Variants in EEFSEC observed in about 807,000 individuals in gnomAD.
EEFSEC encodes eukaryotic elongation factor, selenocysteine-tRNA specific, also known as selenocysteine-specific elongation factor.
A neutral mutation model predicts 42.1 loss-of-function variants in EEFSEC; 43 were observed. That is an observed-to-expected ratio of 1.02 (90% CI 0.80 to 1.32). The LOEUF (loss-of-function observed/expected upper bound fraction) is 1.32, where lower values mean the gene tolerates loss of function less well. Ranked by LOEUF, EEFSEC falls within the 40% of genes most tolerant of loss-of-function variation. The pLI, the probability that EEFSEC is intolerant of heterozygous loss-of-function variation, is 0.00. For missense variants in EEFSEC, 745 were observed against 803.6 expected, an observed-to-expected ratio of 0.93 and a Z score of 0.88; for synonymous variants, 354 against 339.1, an observed-to-expected ratio of 1.04 and a Z score of -0.48.
At chr3:128,235,066 T>C (rs1160719761) in intron 1 of EEFSEC, among the ~76,000 whole-genome samples, 1 of 152,172 alleles carries the variant, frequency 6.6e-6, no homozygotes, top group Non-Finnish European at 1.5e-5. Flanking sequence ...TACTTATTTA[T>C]TTTATTTTAT....
At chr3:128,233,359 TGAG>T (rs2065977939) in intron 1 of EEFSEC, among the ~76,000 whole-genome samples, 2 of 152,242 alleles carry the variant, frequency 1.3e-5, no homozygotes, top group African/African-American at 4.8e-5. Flanking sequence ...AACATACATG[TGAG>T]TAAATAATAG....
intron 6 of EEFSEC, among the ~76,000 whole-genome samples, chr3:128,397,259 C>A (rs1271298501): frequency 6.6e-6 from 1 of 152,252 alleles, no homozygotes; most frequent in Non-Finnish European, 1.5e-5. Flanking sequence ...ATCCAGGCTG[C>A]TGTATTCCCT....
intron 4 of EEFSEC, among the ~76,000 whole-genome samples, chr3:128,305,284 A>G (rs2066814582): frequency 6.6e-6 from 1 of 152,148 alleles, no homozygotes; most frequent in African/African-American, 2.4e-5. Flanking sequence ...TGGTCTTTCA[A>G]TAATATTTAT....
At chr3:128,165,147 C>T (rs2065231414) in intron 1 of EEFSEC, among the ~76,000 whole-genome samples, 2 of 152,184 alleles carry the variant, frequency 1.3e-5, no homozygotes, top group Admixed American at 6.5e-5. Flanking sequence ...TCCTCCCAGC[C>T]AGTCTCCTAG....
chr3:128,192,938 G>C (rs2065541740), intron 1 of EEFSEC, among the ~76,000 whole-genome samples: 1 of 152,180 alleles, frequency 6.6e-6, no homozygotes, highest in Non-Finnish European at 1.5e-5. Flanking sequence ...AACAGGGACT[G>C]TACAGCACTG....
chr3:128,391,418 A>G (rs941374325), intron 6 of EEFSEC, among the ~76,000 whole-genome samples: 1 of 152,082 alleles, frequency 6.6e-6, no homozygotes, highest in African/African-American at 2.4e-5. Flanking sequence ...GGTGTTTCCA[A>G]CCTCGAGGTT....
downstream of EEFSEC, among the ~76,000 whole-genome samples, chr3:128,411,029 G>A (rs569103509): frequency 5.0e-4 from 76 of 152,316 alleles, no homozygotes; most frequent in African/African-American, 1.6e-3. Flanking sequence ...GCCTGAAAAC[G>A]CCCAGCCGAC....
At chr3:128,363,320 G>C (rs2067551074) in intron 6 of EEFSEC, among the ~76,000 whole-genome samples, 1 of 152,246 alleles carries the variant, frequency 6.6e-6, no homozygotes, top group Non-Finnish European at 1.5e-5. Context: ...CCAGAACAAA[G>C]CAGACACTTG....
chr3:128,382,018 C>T (rs894625644), intron 6 of EEFSEC, among the ~76,000 whole-genome samples: 1 of 152,168 alleles, frequency 6.6e-6, no homozygotes, highest in African/African-American at 2.4e-5. Flanking sequence ...TAGAGATAGG[C>T]CCGAATGTGG....
chr3:128,216,803 GT>G (rs1259698162), intron 1 of EEFSEC, among the ~76,000 whole-genome samples: 1 of 152,242 alleles, frequency 6.6e-6, no homozygotes, highest in African/African-American at 2.4e-5. Context: ...CCCCATAGTT[GT>G]GACTGATTGA....
rs35594175 is a variant in EEFSEC, at chr3:128,250,911, G to GTTTTTT, written c.524+3881_524+3886dup. Among the ~76,000 whole-genome samples, 16 of 108,556 alleles carry GTTTTTT rather than the reference G, an allele frequency of 1.5e-4. 1 individual carries two copies. The highest frequency in any genetic ancestry group is 6.8e-3 in the Middle Eastern group (1 of 148). The allele number at this position is 108,556 out of a possible 152,430, so 71.2% of individuals were successfully genotyped here. A position where few individuals can be genotyped will look rare whatever the true frequency, so the allele number is the denominator to read the frequency against. ...TTTAAGTCATCTTTAGTTTTTTTTG[G>GTTTTTT]TTTTTTTTTTTTTTTTTTAGCAATG... On this transcript the variant is annotated intron_variant, in intron 2 of 6. Coordinates refer to ENST00000254730, the MANE Select transcript of EEFSEC (RefSeq NM_021937.5).
At chr3:128,282,242 G>T (rs2066534423) in intron 4 of EEFSEC, among the ~76,000 whole-genome samples, 1 of 152,212 alleles carries the variant, frequency 6.6e-6, no homozygotes, top group African/African-American at 2.4e-5. Flanking sequence ...GTGGGAAGTG[G>T]GTGGCTGGTC....
At chr3:128,276,198 G>GC (rs1247299180) in intron 4 of EEFSEC, among the ~76,000 whole-genome samples, 1 of 152,236 alleles carries the variant, frequency 6.6e-6, no homozygotes, top group Non-Finnish European at 1.5e-5. Flanking sequence ...AGTCAGGGCT[G>GC]CCTAGCAGGG....
intron 6 of EEFSEC, among the ~76,000 whole-genome samples, chr3:128,371,842 A>G (rs190232424): frequency 6.6e-6 from 1 of 152,264 alleles, no homozygotes; most frequent in Non-Finnish European, 1.5e-5. Context: ...GTGGTCCTGC[A>G]GGGGCCGGGG....
chr3:128,247,845 C>G (rs1361223522), intron 2 of EEFSEC, among the ~76,000 whole-genome samples: 1 of 152,040 alleles, frequency 6.6e-6, no homozygotes, highest in African/African-American at 2.4e-5. Flanking sequence ...AGTGGTTTTA[C>G]CAGGGAGAGA....
intron 2 of EEFSEC, among the ~76,000 whole-genome samples, chr3:128,250,169 T>C (rs926309010): frequency 3.9e-5 from 6 of 152,208 alleles, no homozygotes; most frequent in African/African-American, 1.4e-4. Context: ...TTGTCAGAGA[T>C]ATGATTTGCA....
rs2955122 is a variant in EEFSEC at position 128,182,883 on chromosome 3, C to T, written c.316+29060C>T. Among the ~76,000 whole-genome samples, 13 of 18,024 alleles carry T rather than the reference C, an allele frequency of 7.2e-4. No homozygotes were observed. The South Asian group carries it at 0.01, about 14-fold the overall frequency. 11.8% of individuals were successfully genotyped at this position (18,024 alleles called of 152,430 possible). The stretch of plus-strand genomic sequence containing the variant: ...TTCCCACCAGCCACAGAGATCGGGG[C>T]GGGGGGGTGGGGTGGTTGGTCTAGT... On this transcript the variant is annotated intron_variant, in intron 1 of 6. Coordinates refer to ENST00000254730, the MANE Select transcript of EEFSEC (RefSeq NM_021937.5).
intron 6 of EEFSEC, among the ~76,000 whole-genome samples, chr3:128,375,073 C>G (rs1397078961): frequency 1.3e-5 from 2 of 152,234 alleles, no homozygotes; most frequent in Admixed American, 1.3e-4. Flanking sequence ...CTCTAAACTG[C>G]AGTTTCCTTG....
chr3:128,356,483 A>T (rs1349206448), intron 5 of EEFSEC, among the ~76,000 whole-genome samples: 1 of 152,200 alleles, frequency 6.6e-6, no homozygotes, highest in Non-Finnish European at 1.5e-5. Context: ...GCTGGACCAG[A>T]AGCCATCAAA....
Sources: allele counts gnomAD v4.1 joint callset (sites outside exome capture counted in the v4.1 genomes callset), GRCh38; gene constraint gnomAD v4.1.1; transcripts MANE v1.5; gene names NCBI Gene and HGNC (gene_info 2026-07-23, HGNC 2026-07-21).